Variants in ALLC observed in about 807,000 individuals in gnomAD.
The protein encoded by ALLC is allantoicase.
Under a neutral mutation model 45.0 loss-of-function variants are expected in ALLC, and 40 were observed. That is an observed-to-expected ratio of 0.89 (90% CI 0.69 to 1.16). The LOEUF is 1.16. Ranked by LOEUF, ALLC falls within the 50% of genes most tolerant of loss-of-function variation. The pLI, the probability that ALLC is intolerant of heterozygous loss-of-function variation, is 0.00. For synonymous variants in ALLC, 176 were observed against 178.1 expected (o/e 0.99, Z 0.09); for missense variants, 488 against 493.1 (o/e 0.99, Z 0.10).
chr2:3,687,282 T>A (rs534394898), intron 7 of ALLC, among the ~76,000 whole-genome samples: 1 of 151,316 alleles, frequency 6.6e-6, no homozygotes, highest in Non-Finnish European at 1.5e-5. Flanking sequence ...CTTCCTGGAA[T>A]GAATTCCACT....
At position 3,702,495 on chromosome 2, in the gene ALLC, A is replaced by G. The variant is rs761235208; in HGVS notation, c.1108A>G (p.Ile370Val). The G allele has an allele frequency of 2.3e-5, 37 of 1,611,114 alleles. No individual in the cohort carries two copies. The highest frequency in any genetic ancestry group is 3.1e-5 in the Non-Finnish European group (37 of 1,179,292). ...TCGGCTCCGGGGCTTCCCCAGCTCC[A>G]TCTGCCTCCTGAGGCCCCGGGAGAA... ...RLRLRGFPSS[I>V]CLLRPREKPM... is the part of the protein sequence containing the mutation. Residue 370 changes from isoleucine (I) to valine (V), a missense_variant, in exon 12 of 12, where the codon ATC (isoleucine) becomes GTC (valine). Ile to Val is a conservative substitution (Grantham distance 29). Transcript: ENST00000252505.
chr2:3,701,929 T>G (rs1667854736), intron 11 of ALLC, among the ~76,000 whole-genome samples: 1 of 152,230 alleles, frequency 6.6e-6, no homozygotes, highest in African/African-American at 2.4e-5. Flanking sequence ...TTTAAAGCTC[T>G]AATGGCGTGT....
chr2:3,646,232 G>A, the ALLC span, among the ~76,000 whole-genome samples: 5 of 152,206 alleles, frequency 3.3e-5, no homozygotes, highest in Admixed American at 6.5e-5. Flanking sequence ...CCCACTGCAT[G>A]TGCGGGTGCT....
At position 3,676,134 on chromosome 2, in the gene ALLC, G is replaced by A. The variant is rs976568071; in HGVS notation, c.84+2009G>A. Among the ~76,000 whole-genome samples the A allele has an allele frequency of 3.8e-4, 58 of 152,362 alleles. 1 individual carries two copies. Among genetic ancestry groups the A allele is most frequent in the African/African-American group, 1.4e-3 (57 of 41,590 alleles). On this transcript the variant is annotated intron_variant, in intron 3 of 11. Transcript: ENST00000252505. ...ATTAGGTTTCAACATACAAATTTTGGTGGGGGACAAACATTCAGTCTGTTG... is the reference window on the plus strand; with the variant it reads ...ATTAGGTTTCAACATACAAATTTTGATGGGGGACAAACATTCAGTCTGTTG...
At chr2:3,648,076 C>T in the ALLC span, among the ~76,000 whole-genome samples, 426 of 152,218 alleles carry the variant, frequency 2.8e-3, 1 homozygote, top group African/African-American at 0.01. Flanking sequence ...GGGACAGCAG[C>T]GCCAGGGAGC....
At chr2:3,700,351 G>T (rs1558550636) in intron 10 of ALLC, among the ~76,000 whole-genome samples, 1 of 152,162 alleles carries the variant, frequency 6.6e-6, no homozygotes, top group Non-Finnish European at 1.5e-5. Context: ...TGAGGGTCAG[G>T]TGAAATGGCA....
chr2:3,702,536 C>G lies in ALLC; in HGVS notation c.1149C>G (p.Phe383Leu). 1 of 1,599,626 alleles carries G rather than the reference C, an allele frequency of 6.3e-7. No homozygotes were observed. Among genetic ancestry groups the G allele is most frequent in the Non-Finnish European group, 8.5e-7 (1 of 1,174,064 alleles). The change falls in exon 12 of 12, where the codon TTC becomes TTG. Residue 383 changes from phenylalanine to leucine, a missense_variant. Coordinates refer to ENST00000252505, the MANE Select transcript of ALLC (RefSeq NM_018436.4). The part of the protein sequence containing the change: ...LRPREKPMLK[F>L]SVSFKANP The stretch of plus-strand genomic sequence containing the variant: ...CCCGGGAGAAGCCCATGTTGAAGTT[C>G]TCGGTGAGCTTCAAAGCAAACCCTT...
rs1016700093 is a variant in ALLC at position 3,678,481 on chromosome 2, G to A, written c.98G>A (p.Cys33Tyr). The A allele has an allele frequency of 1.2e-6, 2 of 1,613,890 alleles. No homozygotes were observed. Among genetic ancestry groups the A allele is most frequent in the Non-Finnish European group, 1.7e-6 (2 of 1,179,760 alleles). ...AENLIKSDSP[C>Y]FKEHEYTEFG... ...TCTTTGCCCTAGAGTGACAGCCCGT[G>A]CTTCAAAGAGCATGAATATACGGAG... The change falls in exon 4 of 12, where the codon TGC becomes TAC. Residue 33 changes from cysteine (C) to tyrosine (Y), a missense_variant. By Grantham distance (194) the Cys-to-Tyr change is radical (BLOSUM62 -2). Transcript: ENST00000252505.
rs1356681402 is a variant in ALLC, at chr2:3,697,377, G to A, written c.771G>A (p.Pro257=). The change falls in exon 10 of 12, where the codon CCG becomes CCA. Residue 257 remains proline (P), a synonymous_variant. Transcript: ENST00000252505. ...ENDENGILLV[P]GCEWAVFRLA... is the part of the protein sequence containing the mutation. ...ATGAGAATGGCATTCTCTTGGTTCCGGGTTGTGAATGGGCAGTTTTCCGAT... is the reference window on the plus strand; with the variant it reads ...ATGAGAATGGCATTCTCTTGGTTCCAGGTTGTGAATGGGCAGTTTTCCGAT... 8 of 1,613,650 alleles carry A rather than the reference G, an allele frequency of 5.0e-6. 1 individual carries two copies. Among genetic ancestry groups the A allele is most frequent in the South Asian group, 4.4e-5 (4 of 91,070 alleles).
In ALLC at chr2:3,678,475, GC is replaced by G. The variant is rs1458439649; in HGVS notation, c.95del (p.Pro32ArgfsTer96). On this transcript the variant is annotated frameshift_variant, in exon 4 of 12. Transcript: ENST00000252505. LOFTEE classifies it high-confidence loss of function. ...TTGTGGTCTTTGCCCTAGAGTGACA[GC>G]CCGTGCTTCAAAGAGCATGAATATA... ...APAENLIKSD[S>X]PCFKEHEYTE... 1.2e-6 allele frequency: 2 copies of G among 1,613,756 alleles called. No individual in the cohort carries two copies. The highest frequency in any genetic ancestry group is 3.3e-5 in the Admixed American group (2 of 60,024).
intron 1 of ALLC, among the ~76,000 whole-genome samples, chr2:3,666,669 G>A (rs1666734060): frequency 6.6e-6 from 1 of 152,262 alleles, no homozygotes; most frequent in Admixed American, 6.5e-5. Flanking sequence ...GCCTTGATGA[G>A]CACGCCGCGA....
Position 3,671,101 on chromosome 2 carries a change from A to G in ALLC, c.-57A>G, listed in dbSNP as rs2147997877. On this transcript the variant is annotated 5_prime_UTR_variant, in exon 2 of 12. Coordinates refer to ENST00000252505, the MANE Select transcript of ALLC (RefSeq NM_018436.4). ...AGCTGCCCTCTCCCTTCCAGGAAGC[A>G]CGGCTGATGCTCCGAAGGAGGGAAG... The G allele has an allele frequency of 1.9e-6, 3 of 1,588,472 alleles. No individual in the cohort carries two copies. The highest frequency in any genetic ancestry group is 1.3e-5 in the African/African-American group (1 of 74,574).
intron 1 of ALLC, among the ~76,000 whole-genome samples, chr2:3,662,189 G>A (rs943378442): frequency 6.6e-6 from 1 of 152,210 alleles, no homozygotes; most frequent in African/African-American, 2.4e-5. Flanking sequence ...TTAAGGCCTT[G>A]TGTGATGATG....
intron 7 of ALLC, among the ~76,000 whole-genome samples, chr2:3,685,941 C>G (rs1028631930): frequency 3.3e-5 from 5 of 150,732 alleles, no homozygotes; most frequent in African/African-American, 1.2e-4. Flanking sequence ...TATGGGTTGT[C>G]ACTCCACTTT....
At chr2:3,662,342 T>G (rs1203668661) in intron 1 of ALLC, among the ~76,000 whole-genome samples, 1 of 152,220 alleles carries the variant, frequency 6.6e-6, no homozygotes, top group African/African-American at 2.4e-5. Context: ...GAGCACACCC[T>G]GCTCACCCAG....
At position 3,679,860 on chromosome 2, in the gene ALLC, G is replaced by C; in HGVS notation, c.173-9G>C. On this transcript the variant is annotated splice_polypyrimidine_tract_variant and intron_variant, in intron 4 of 11. Coordinates refer to ENST00000252505, the MANE Select transcript of ALLC (RefSeq NM_018436.4). The stretch of plus-strand genomic sequence containing the variant: ...TAACGAGACTGCTCTTGTCCTCTGT[G>C]TTGCGCAGGTCACGACTGGTGTGTC... The C allele has an allele frequency of 6.2e-7, 1 of 1,613,798 alleles. No homozygotes were observed. The highest frequency in any genetic ancestry group is 8.5e-7 in the Non-Finnish European group (1 of 1,179,864).
At chr2:3,645,846 A>G in the ALLC span, among the ~76,000 whole-genome samples, 1 of 152,020 alleles carries the variant, frequency 6.6e-6, no homozygotes, top group Admixed American at 6.6e-5. The surrounding 1 kb of genome is among the most constrained non-coding windows in gnomAD (Gnocchi z 4.3). Flanking sequence ...GTACATGTAC[A>G]TTCCCTCCCA....
chr2:3,646,576 C>G, the ALLC span, among the ~76,000 whole-genome samples: 9,838 of 152,220 alleles, frequency 0.065, 1,042 homozygotes, highest in African/African-American at 0.22. Flanking sequence ...GGAGCAGGTT[C>G]CAGGGAATGA....
chr2:3,653,673 C>T (rs112280711), upstream of ALLC, among the ~76,000 whole-genome samples: 3,158 of 152,222 alleles, frequency 0.021, 126 homozygotes, highest in African/African-American at 0.073. This position sits in a 1 kb window ranked among gnomAD's most constrained non-coding sequence, Gnocchi z 4.1. Flanking sequence ...CCAGACCACA[C>T]CGAGATGCTC....
Sources: allele counts gnomAD v4.1 joint callset (sites outside exome capture counted in the v4.1 genomes callset), GRCh38; gene constraint gnomAD v4.1.1; non-coding constraint Gnocchi (gnomAD v3.1); transcripts MANE v1.5; gene names NCBI Gene and HGNC (gene_info 2026-07-23, HGNC 2026-07-21).